LEPR: variants seen among roughly 807,000 people sequenced by gnomAD.
LEPR encodes OB receptor.
A neutral mutation model predicts 114.7 loss-of-function variants in LEPR; 56 were observed. The observed-to-expected ratio is 0.49, with a 90% CI of 0.39 to 0.61. The LOEUF (loss-of-function observed/expected upper bound fraction) is 0.61. Among genes scored for constraint, LEPR ranks in the 20% least tolerant of loss-of-function variants. The pLI is 0.00. For missense variants in LEPR, 1,202 were observed against 1,352.9 expected (o/e 0.89, Z 1.75); for synonymous variants, 443 against 461.4 (o/e 0.96, Z 0.51).
At position 65,617,957 on chromosome 1, in the gene LEPR, C is replaced by T. The variant is rs777811534; in HGVS notation, c.2213-7C>T. The T allele has an allele frequency of 1.4e-5, 23 of 1,600,318 alleles. No individual in the cohort carries two copies. The South Asian group carries it at 2.2e-4, about 15-fold the overall frequency. Reference sequence around the variant, plus strand: ...TTTAAAAATTAATTTCCTTCTTTTCCCCTCAGTAAATATCGTGCAGTCACT... The same window carrying T: ...TTTAAAAATTAATTTCCTTCTTTTCTCCTCAGTAAATATCGTGCAGTCACT... On this transcript the variant is annotated splice_region_variant and splice_polypyrimidine_tract_variant and intron_variant, in intron 15 of 19. Transcript: ENST00000349533.
At chr1:65,606,729 A>G (rs887970147) in intron 11 of LEPR, among the ~76,000 whole-genome samples, 1 of 152,192 alleles carries the variant, frequency 6.6e-6, no homozygotes. Flanking sequence ...CAGTCTCTTG[A>G]ATATTGATAC....
At chr1:65,594,084 G>A (rs1274401725) in intron 6 of LEPR, among the ~76,000 whole-genome samples, 2 of 151,860 alleles carry the variant, frequency 1.3e-5, no homozygotes, top group Non-Finnish European at 2.9e-5. Context: ...CAAATTATAT[G>A]TTCCATGAAA....
intron 3 of LEPR, among the ~76,000 whole-genome samples, chr1:65,565,841 T>TCA (rs1414851452): frequency 2.4e-5 from 3 of 124,750 alleles, no homozygotes; most frequent in African/African-American, 8.4e-5. Context: ...ATCCTCTCTC[T>TCA]CTCTCACACA....
intron 2 of LEPR, among the ~76,000 whole-genome samples, chr1:65,508,515 T>C (rs1298903486): frequency 6.6e-6 from 1 of 152,202 alleles, no homozygotes; most frequent in Non-Finnish European, 1.5e-5. Flanking sequence ...GGTTTATTCC[T>C]GAGCTCTCTG....
intron 2 of LEPR, among the ~76,000 whole-genome samples, chr1:65,550,398 G>C (rs1429048020): frequency 1.3e-5 from 2 of 152,194 alleles, no homozygotes; most frequent in Non-Finnish European, 2.9e-5. Flanking sequence ...CTTTTTGTTT[G>C]TCTGTGCCCT....
In LEPR at chr1:65,601,888, A is replaced by T. The variant is rs747522535; in HGVS notation, c.1331A>T (p.Lys444Ile). 1 of 1,613,728 alleles carries T rather than the reference A, an allele frequency of 6.2e-7. No homozygotes were observed. Reference sequence around the variant, plus strand: ...TGTGAAACTGATGGGTACTTAACTAAAATGACTTGCAGATGGTCAACCAGT... The same window carrying T: ...TGTGAAACTGATGGGTACTTAACTATAATGACTTGCAGATGGTCAACCAGT... Reference protein sequence around the residue: ...ISCETDGYLTKMTCRWSTSTI... With the variant: ...ISCETDGYLTIMTCRWSTSTI... Residue 444 changes from lysine to isoleucine, a missense_variant, in exon 10 of 20, where the codon AAA becomes ATA. Coordinates refer to ENST00000349533, the MANE Select transcript of LEPR (RefSeq NM_002303.6).
In LEPR at chr1:65,596,564, T is replaced by C; in HGVS notation, c.820T>C (p.Ser274Pro). 5 of 1,612,584 alleles carry C rather than the reference T, an allele frequency of 3.1e-6. No individual in the cohort carries two copies. The highest frequency in any genetic ancestry group is 4.2e-6 in the Non-Finnish European group (5 of 1,179,064). Residue 274 changes from serine (S) to proline (P), a missense_variant, in exon 7 of 20, where the codon TCA becomes CCA. Ser to Pro is a moderately conservative substitution (Grantham distance 74). Coordinates refer to ENST00000349533, the MANE Select transcript of LEPR (RefSeq NM_002303.6). The stretch of plus-strand genomic sequence containing the variant: ...TCCACTTCAATATCAAGTGAAATAT[T>C]CAGAGAATTCTACAACAGTTATCAG... Reference protein sequence around the residue: ...PFPLQYQVKYSENSTTVIREA... With the variant: ...PFPLQYQVKYPENSTTVIREA...
chr1:65,592,317 C>T (rs10736402), intron 5 of LEPR, among the ~76,000 whole-genome samples: 72,754 of 140,122 alleles, frequency 0.52, 19,242 homozygotes, highest in East Asian at 0.88. Flanking sequence ...CTGATGGTGA[C>T]GAATTATTTT....
At chr1:65,566,785 A>G (rs528888363) in intron 3 of LEPR, among the ~76,000 whole-genome samples, 113 of 152,308 alleles carry the variant, frequency 7.4e-4, no homozygotes, top group Admixed American at 3.1e-3. Flanking sequence ...GGCTCTTCTA[A>G]GCTTCCCTAT....
intron 2 of LEPR, among the ~76,000 whole-genome samples, chr1:65,443,873 CAG>C (rs1455489531): frequency 6.6e-6 from 1 of 151,698 alleles, no homozygotes; most frequent in South Asian, 2.1e-4. Flanking sequence ...AGAACAGACA[CAG>C]AGGCTTTCTC....
chr1:65,544,787 CTTTAT>C lies in LEPR; in HGVS notation c.-20-20741_-20-20737del, dbSNP rs920666045. Among the ~76,000 whole-genome samples the C allele has an allele frequency of 2.3e-4, 35 of 150,576 alleles. No individual in the cohort carries two copies. In the East Asian group the frequency reaches 5.6e-3, roughly 24 times the overall value. On this transcript the variant is annotated intron_variant, in intron 2 of 19. Coordinates refer to ENST00000349533, the MANE Select transcript of LEPR (RefSeq NM_002303.6). Reference sequence around the variant, plus strand: ...TGATACGTGGTACAACATTGATAAACTTTATTTTATTTTATTTTATTTATTATTAT... The same window carrying C: ...TGATACGTGGTACAACATTGATAAACTTTATTTTATTTTATTTATTATTAT...
intron 2 of LEPR, among the ~76,000 whole-genome samples, chr1:65,527,205 A>G (rs1318538988): frequency 6.6e-6 from 1 of 152,220 alleles, no homozygotes; most frequent in Non-Finnish European, 1.5e-5. Flanking sequence ...ACTTTTTAGC[A>G]TAAAGTTGTG....
chr1:65,432,964 C>T, intron 2 of LEPR: 1 of 985,168 alleles, frequency 1.0e-6, no homozygotes, highest in South Asian at 4.7e-5. Context: ...AAAACATACT[C>T]TCTCCCCCAA....
chr1:65,482,159 G>A (rs1274990599), intron 2 of LEPR, among the ~76,000 whole-genome samples: 1 of 150,212 alleles, frequency 6.7e-6, no homozygotes, highest in East Asian at 1.9e-4. Flanking sequence ...GGAATGAGCT[G>A]AAAAAATAAA....
intron 2 of LEPR, among the ~76,000 whole-genome samples, chr1:65,462,544 T>TCTAGTTCTAGATCTAGATCAAAA (rs1489022537): frequency 6.6e-6 from 1 of 152,228 alleles, no homozygotes; most frequent in African/African-American, 2.4e-5. Flanking sequence ...CAAATGGTAT[T>TCTAGTTCTAGATCTAGATCAAAA]TCTAGTTCTA....
intron 7 of LEPR, 49 bp downstream of exon 7, chr1:65,596,642 ACC>A (rs781722004): frequency 3.5e-5 from 54 of 1,555,164 alleles, no homozygotes; most frequent in Non-Finnish European, 3.4e-5. Context: ...GTAAATAAAG[ACC>A]CTCTTAAGTC....
In LEPR at chr1:65,637,133, A is replaced by G; in HGVS notation, c.*118A>G. The G allele has an allele frequency of 8.4e-7, 1 of 1,184,884 alleles. No homozygotes were observed. Among genetic ancestry groups the G allele is most frequent in the Non-Finnish European group, 1.2e-6 (1 of 848,812 alleles). 73.4% of individuals were successfully genotyped at this position (1,184,884 alleles called of 1,614,324 possible). A position where few individuals can be genotyped will look rare whatever the true frequency, so the allele number is the denominator to read the frequency against. ...AGTCAAATTTGAAAATAATTGTTCC[A>G]AATGAATGTTGTCTGTTTGTTCTCT... On this transcript the variant is annotated 3_prime_UTR_variant, in exon 20 of 20. Transcript: ENST00000349533.
At chr1:65,469,815 C>T (rs1300686018) in intron 2 of LEPR, among the ~76,000 whole-genome samples, 1 of 152,166 alleles carries the variant, frequency 6.6e-6, no homozygotes, top group Non-Finnish European at 1.5e-5. Flanking sequence ...AAGTGCGTGC[C>T]GTATTCATCC....
intron 2 of LEPR, among the ~76,000 whole-genome samples, chr1:65,549,844 T>A (rs1012982316): frequency 6.6e-6 from 1 of 152,166 alleles, no homozygotes; most frequent in Admixed American, 6.5e-5. Flanking sequence ...AGCTTTGTTC[T>A]GTTGCTGGTG....
Sources: gnomAD v4.1 joint callset for allele counts (sites outside exome capture counted in the v4.1 genomes callset) on GRCh38, gnomAD v4.1.1 for gene constraint, MANE v1.5 for transcripts, NCBI Gene and HGNC (gene_info 2026-07-23, HGNC 2026-07-21) for gene names.